The following RNF216 variants were observed in gnomAD, a reference collection of about 807,000 sequenced individuals.
RNF216 encodes ring finger protein 216.
In RNF216, 72 loss-of-function variants were observed where a neutral mutation model predicts 110.8. The observed-to-expected ratio is 0.65, with a 90% CI of 0.54 to 0.79. The LOEUF (loss-of-function observed/expected upper bound fraction) is 0.79, where lower values mean the gene tolerates loss of function less well. RNF216 is among the 30% of genes least tolerant of loss of function. The pLI is 0.00. For missense variants in RNF216, 1,342 were observed against 1,141.2 expected (o/e 1.18, Z -2.54); for synonymous variants, 495 against 407.5 (o/e 1.21, Z -2.59).
chr7:5,670,090 CTATT>C (rs891157887), intron 13 of RNF216, among the ~76,000 whole-genome samples: 8 of 152,084 alleles, frequency 5.3e-5, no homozygotes, highest in African/African-American at 1.7e-4. Flanking sequence ...CCATGCCCAG[CTATT>C]TATTTATTTA....
intron 13 of RNF216, among the ~76,000 whole-genome samples, chr7:5,669,314 G>C (rs1196993398): frequency 6.6e-6 from 1 of 152,204 alleles, no homozygotes; most frequent in Non-Finnish European, 1.5e-5. Context: ...CCTCTATTTA[G>C]AAAAGAAATG....
At chr7:5,638,584 G>T (rs1473630258) in intron 15 of RNF216, among the ~76,000 whole-genome samples, 1 of 151,870 alleles carries the variant, frequency 6.6e-6, no homozygotes, top group African/African-American at 2.4e-5. Flanking sequence ...ATTATTAGGG[G>T]TGGCTGTTAG....
intron 13 of RNF216, among the ~76,000 whole-genome samples, chr7:5,700,835 A>G (rs1427638910): frequency 6.6e-6 from 1 of 152,200 alleles, no homozygotes; most frequent in Non-Finnish European, 1.5e-5. Context: ...CAGGATGACC[A>G]GTGCCCTCCC....
intron 13 of RNF216, among the ~76,000 whole-genome samples, chr7:5,656,913 C>G (rs1228820610): frequency 6.6e-6 from 1 of 152,174 alleles, no homozygotes; most frequent in Non-Finnish European, 1.5e-5. Context: ...CCAAGCCCAG[C>G]AAGTGTGATA....
chr7:5,728,267 C>A (rs1340757303), intron 7 of RNF216, among the ~76,000 whole-genome samples: 1 of 152,108 alleles, frequency 6.6e-6, no homozygotes, highest in Non-Finnish European at 1.5e-5. Context: ...CCTTTCAAAG[C>A]CCCTCTATTT....
At chr7:5,632,529 G>C (rs1787135169) in intron 15 of RNF216, among the ~76,000 whole-genome samples, 1 of 152,230 alleles carries the variant, frequency 6.6e-6, no homozygotes, top group African/African-American at 2.4e-5. Context: ...TGATGTGTCA[G>C]GCCAGGGTAG....
At chr7:5,644,916 C>T (rs575473241) in intron 14 of RNF216, among the ~76,000 whole-genome samples, 1 of 151,910 alleles carries the variant, frequency 6.6e-6, no homozygotes, top group Non-Finnish European at 1.5e-5. Context: ...CCTCCACCTC[C>T]TGGGTTCAAG....
At chr7:5,686,781 T>G (rs994021654) in intron 13 of RNF216, among the ~76,000 whole-genome samples, 5 of 152,212 alleles carry the variant, frequency 3.3e-5, no homozygotes, top group African/African-American at 9.7e-5. Flanking sequence ...GAAGACTATT[T>G]TTCCACGGAC....
intron 1 of RNF216, among the ~76,000 whole-genome samples, chr7:5,770,706 T>G (rs1796449620): frequency 6.6e-6 from 1 of 151,672 alleles, no homozygotes; most frequent in Non-Finnish European, 1.5e-5. Flanking sequence ...GGATTTACAG[T>G]AGGAGATATT....
chr7:5,626,755 C>T (rs1786733410), intron 15 of RNF216, among the ~76,000 whole-genome samples: 1 of 152,100 alleles, frequency 6.6e-6, no homozygotes, highest in Non-Finnish European at 1.5e-5. Context: ...GCTAAGTGAG[C>T]TCGGCAGGTT....
chr7:5,687,935 A>G (rs1234985188), intron 13 of RNF216, among the ~76,000 whole-genome samples: 1 of 152,228 alleles, frequency 6.6e-6, no homozygotes, highest in Non-Finnish European at 1.5e-5. Context: ...CGTGTCCAGA[A>G]TCCCGGACTG....
chr7:5,662,178 G>C (rs1295553899), intron 13 of RNF216, among the ~76,000 whole-genome samples: 1 of 152,188 alleles, frequency 6.6e-6, no homozygotes, highest in Non-Finnish European at 1.5e-5. Context: ...GGATGGGATG[G>C]AATCAGACCT....
chr7:5,712,571 A>C, intron 12 of RNF216, 144 bp downstream of exon 12: 1 of 771,936 alleles, frequency 1.3e-6, no homozygotes, highest in Non-Finnish European at 2.0e-6. Context: ...TAAATAAGTA[A>C]AATTATTGAT....
intron 15 of RNF216, among the ~76,000 whole-genome samples, chr7:5,637,690 C>T (rs1439782788): frequency 6.6e-6 from 1 of 152,154 alleles, no homozygotes; most frequent in Admixed American, 6.5e-5. Flanking sequence ...TGTGCACGCA[C>T]CACCACCCCT....
intron 13 of RNF216, among the ~76,000 whole-genome samples, chr7:5,664,222 C>A (rs549243467): frequency 6.6e-6 from 1 of 152,286 alleles, no homozygotes; most frequent in Non-Finnish European, 1.5e-5. Flanking sequence ...TATTTCCTCC[C>A]TATTGGGTCT....
chr7:5,664,441 T>C (rs143621805), intron 13 of RNF216, among the ~76,000 whole-genome samples: 24 of 152,330 alleles, frequency 1.6e-4, no homozygotes, highest in African/African-American at 5.5e-4. Flanking sequence ...GCAGATGGTG[T>C]GAGAAAGTAC....
rs540592129 is a variant in RNF216, at chr7:5,624,156, T to A, written c.2383-31A>T. The A allele has an allele frequency of 4.4e-6, 7 of 1,593,196 alleles. 1 individual carries two copies. The highest frequency in any genetic ancestry group is 1.7e-5 in the Admixed American group (1 of 59,494). ...ACGCAAGCAATGAGAAGGATGAACC[T>A]GTAGCTTCATGCAGTGCTGAGGCCC... On this transcript the variant is annotated intron_variant, in intron 15 of 16. Coordinates refer to ENST00000389902, the MANE Select transcript of RNF216 (RefSeq NM_207111.4). This position sits in a 1 kb window ranked among gnomAD's most constrained non-coding sequence, Gnocchi z 4.4.
intron 15 of RNF216, among the ~76,000 whole-genome samples, chr7:5,629,549 C>A (rs889062641): frequency 6.6e-6 from 1 of 150,490 alleles, no homozygotes; most frequent in African/African-American, 2.4e-5. Context: ...GAGGGAGGGG[C>A]CAGAAGCGGC....
At chr7:5,663,197 C>A (rs1270796219) in intron 13 of RNF216, among the ~76,000 whole-genome samples, 2 of 152,118 alleles carry the variant, frequency 1.3e-5, no homozygotes, top group Admixed American at 6.6e-5. Flanking sequence ...ACATCTTTTC[C>A]AAATGCCAGG....
Sources: allele counts gnomAD v4.1 joint callset (sites outside exome capture counted in the v4.1 genomes callset), GRCh38; gene constraint gnomAD v4.1.1; non-coding constraint Gnocchi (gnomAD v3.1); transcripts MANE v1.5; gene names NCBI Gene and HGNC (gene_info 2026-07-23, HGNC 2026-07-21).